Variants in LY6S observed in about 807,000 individuals in gnomAD.
LY6S encodes lymphocyte antigen 6 family member S, also known as lymphocyte antigen 6S.
the LY6S span, among the ~76,000 whole-genome samples, chr8:143,072,544 G>A: frequency 2.0e-5 from 2 of 101,026 alleles, no homozygotes; most frequent in African/African-American, 4.9e-5. Context: ...GACAGCCGTC[G>A]TCCTCGTGGT....
chr8:143,069,750 G>A, the LY6S span, among the ~76,000 whole-genome samples: 1 of 152,146 alleles, frequency 6.6e-6, no homozygotes, highest in African/African-American at 2.4e-5. Context: ...CACTAGTCTT[G>A]GCTAATGAAG....
the LY6S span, among the ~76,000 whole-genome samples, chr8:143,064,433 T>C: frequency 3.3e-5 from 5 of 152,206 alleles, no homozygotes; most frequent in Admixed American, 2.6e-4. Flanking sequence ...GTTTTAATGG[T>C]GTTATTCTGA....
the LY6S span, among the ~76,000 whole-genome samples, chr8:143,064,821 G>A: frequency 2.0e-5 from 3 of 152,170 alleles, no homozygotes; most frequent in South Asian, 2.1e-4. Flanking sequence ...TGCTCCAGTC[G>A]GGATCTGGAG....
At chr8:143,051,464 T>G in the LY6S span, among the ~76,000 whole-genome samples, 4 of 149,414 alleles carry the variant, frequency 2.7e-5, no homozygotes, top group Non-Finnish European at 6.0e-5. Flanking sequence ...TCACTTGAAC[T>G]GGGGAGGCAG....
the LY6S span, among the ~76,000 whole-genome samples, chr8:143,050,896 G>C: frequency 1.3e-5 from 2 of 152,234 alleles, no homozygotes; most frequent in Non-Finnish European, 2.9e-5. Context: ...AAAGCAGAGT[G>C]AGTCCCCTGA....
the LY6S span, among the ~76,000 whole-genome samples, chr8:143,066,945 A>G: frequency 6.6e-6 from 1 of 152,198 alleles, no homozygotes. Flanking sequence ...AAAAGGCCTC[A>G]AAGGCATTTC....
the LY6S span, among the ~76,000 whole-genome samples, chr8:143,073,391 A>G: frequency 0.023 from 1,276 of 55,406 alleles, 166 homozygotes; most frequent in African/African-American, 0.1. Flanking sequence ...GAAGACAGCC[A>G]TCATCCTCGG....
chr8:143,059,431 C>T, the LY6S span, among the ~76,000 whole-genome samples: 2 of 151,840 alleles, frequency 1.3e-5, no homozygotes, highest in Non-Finnish European at 2.9e-5. Flanking sequence ...TCCATTGATC[C>T]AGCACCATTC....
chr8:143,053,736 CA>C, the LY6S span: 5 of 152,222 alleles, frequency 3.3e-5, no homozygotes, highest in African/African-American at 1.2e-4. Flanking sequence ...CCAGTTCTAC[CA>C]CTTTTGCAAG....
chr8:143,058,870 C>T, the LY6S span, among the ~76,000 whole-genome samples: 1 of 152,208 alleles, frequency 6.6e-6, no homozygotes, highest in Non-Finnish European at 1.5e-5. Context: ...AGAGGGCTCG[C>T]ACTCTTGTCT....
At chr8:143,056,853 T>A in the LY6S span, among the ~76,000 whole-genome samples, 1 of 152,224 alleles carries the variant, frequency 6.6e-6, no homozygotes, top group Admixed American at 6.5e-5. Flanking sequence ...GATAACTGCA[T>A]AAAACACACT....
At chr8:143,054,800 C>G in the LY6S span, among the ~76,000 whole-genome samples, 1 of 152,180 alleles carries the variant, frequency 6.6e-6, no homozygotes, top group South Asian at 2.1e-4. Context: ...TTGGGATTAG[C>G]AGGGACAGCT....
chr8:143,059,720 G>C, the LY6S span: 2 of 152,134 alleles, frequency 1.3e-5, no homozygotes, highest in Non-Finnish European at 2.9e-5. Flanking sequence ...TCCCACCTCA[G>C]CCTCTCAAAG....
At chr8:143,071,824 A>G in the LY6S span, among the ~76,000 whole-genome samples, 4 of 152,106 alleles carry the variant, frequency 2.6e-5, no homozygotes, top group Non-Finnish European at 5.9e-5. Context: ...TTAATCTTCC[A>G]AGATCTACGG....
chr8:143,043,928 G>A, the LY6S span, among the ~76,000 whole-genome samples: 2 of 152,222 alleles, frequency 1.3e-5, no homozygotes, highest in Admixed American at 1.3e-4. Flanking sequence ...CCCCGCCTTG[G>A]CCTCCCAAAG....
At chr8:143,053,848 T>C in the LY6S span, 3 of 152,184 alleles carry the variant, frequency 2.0e-5, no homozygotes, top group African/African-American at 7.2e-5. Context: ...CAACTCACCA[T>C]GCAATCAATC....
the LY6S span, chr8:143,057,956 C>A: frequency 1.8e-6 from 1 of 543,996 alleles, no homozygotes. Flanking sequence ...CTCTGTCTGA[C>A]CCTCCCTCCC....
the LY6S span, among the ~76,000 whole-genome samples, chr8:143,067,842 C>T: frequency 6.6e-6 from 1 of 152,190 alleles, no homozygotes; most frequent in Non-Finnish European, 1.5e-5. Context: ...CAAAGAGTAA[C>T]CGAGCAGTAT....
At chr8:143,071,688 C>G in the LY6S span, among the ~76,000 whole-genome samples, 1 of 152,182 alleles carries the variant, frequency 6.6e-6, no homozygotes, top group Non-Finnish European at 1.5e-5. Flanking sequence ...GGTCCCCAAA[C>G]AGCTTCCACC....
Sources: allele counts gnomAD v4.1 joint callset (sites outside exome capture counted in the v4.1 genomes callset), GRCh38; gene constraint gnomAD v4.1.1; transcripts MANE v1.5; gene names NCBI Gene and HGNC (gene_info 2026-07-23, HGNC 2026-07-21).